The following SGPP2 variants were observed in gnomAD, a reference collection of about 807,000 sequenced individuals.
The protein encoded by SGPP2 is sphingosine 1-phosphate phosphohydrolase 2.
A neutral mutation model predicts 33.9 loss-of-function variants in SGPP2; 30 were observed. That is an observed-to-expected ratio of 0.89 (90% CI 0.66 to 1.20). The LOEUF (loss-of-function observed/expected upper bound fraction) is 1.20. Among genes scored for constraint, SGPP2 ranks in the 50% most tolerant of loss-of-function variants. SGPP2 has a pLI of 0.00. For synonymous variants in SGPP2, 233 were observed against 225.0 expected (o/e 1.04, Z -0.32); for missense variants, 458 against 532.1 (o/e 0.86, Z 1.37).
chr2:222,454,346 T>C (rs960886090), intron 1 of SGPP2, among the ~76,000 whole-genome samples: 1 of 152,200 alleles, frequency 6.6e-6, no homozygotes, highest in Non-Finnish European at 1.5e-5. Flanking sequence ...TGGATTTGAC[T>C]TGGAGAAAAG....
intron 2 of SGPP2, among the ~76,000 whole-genome samples, chr2:222,494,780 A>G (rs913117612): frequency 6.6e-6 from 1 of 152,256 alleles, no homozygotes; most frequent in African/African-American, 2.4e-5. Context: ...AACATTTGCC[A>G]AAGACTGTAC....
At chr2:222,479,260 T>C (rs1697993284) in intron 2 of SGPP2, among the ~76,000 whole-genome samples, 1 of 152,206 alleles carries the variant, frequency 6.6e-6, no homozygotes, top group South Asian at 2.1e-4. Context: ...TTAAAGATGC[T>C]AAAACTGGGG....
rs753641700 is a variant in SGPP2 at position 222,558,396 on chromosome 2, A to T, written c.698A>T (p.Tyr233Phe). 6.2e-7 allele frequency: 1 copy of T among 1,613,908 alleles called. No homozygotes were observed. Among genetic ancestry groups the T allele is most frequent in the South Asian group, 1.1e-5 (1 of 91,056 alleles). Residue 233 changes from tyrosine (Y) to phenylalanine (F), a missense_variant, in exon 5 of 5, where the codon TAC (tyrosine) becomes TTC (phenylalanine). Coordinates refer to ENST00000321276, the MANE Select transcript of SGPP2 (RefSeq NM_152386.4). ...LITALLIVLTYPAWTFIDCLD... is the reference protein window; with the variant it reads ...LITALLIVLTFPAWTFIDCLD... ...ACCGCACTCCTCATCGTCCTCACCTACCCTGCCTGGACCTTCATCGACTGC... is the reference window on the plus strand; with the variant it reads ...ACCGCACTCCTCATCGTCCTCACCTTCCCTGCCTGGACCTTCATCGACTGC...
intron 2 of SGPP2, among the ~76,000 whole-genome samples, chr2:222,480,624 G>A (rs529777181): frequency 1.3e-5 from 2 of 152,144 alleles, no homozygotes; most frequent in Non-Finnish European, 2.9e-5. Context: ...TTCCTGACTC[G>A]TGAAATTGAT....
rs547218179 is a variant in SGPP2, at chr2:222,560,182, C to T, written c.*1284C>T. 6.6e-6 allele frequency: 1 copy of T among 152,336 alleles called. No homozygotes were observed. The highest frequency in any genetic ancestry group is 1.9e-4 in the East Asian group (1 of 5,174). 9.4% of individuals were successfully genotyped at this position (152,336 alleles called of 1,614,324 possible). Reference sequence around the variant, plus strand: ...CTGGCATCTGCCTAGGAAAGTGGATCTGTGAAGAACAGATGAACTCAATCC... The same window carrying T: ...CTGGCATCTGCCTAGGAAAGTGGATTTGTGAAGAACAGATGAACTCAATCC... On this transcript the variant is annotated 3_prime_UTR_variant, in exon 5 of 5. Transcript: ENST00000321276.
chr2:222,476,064 T>G lies in SGPP2; in HGVS notation c.378+1338T>G, dbSNP rs1022283390. Among the ~76,000 whole-genome samples the G allele has an allele frequency of 6.6e-6, 1 of 152,172 alleles. No individual in the cohort carries two copies. The highest frequency in any genetic ancestry group is 1.5e-5 in the Non-Finnish European group (1 of 68,020). On this transcript the variant is annotated intron_variant, in intron 2 of 4. Transcript: ENST00000321276. This position sits in a 1 kb window ranked among gnomAD's most constrained non-coding sequence, Gnocchi z 4.3. ...AACCAACTCTAAGGTCAAAGGTTAT[T>G]TAGCTGGTGGAGGGAACTTCCAGAC...
chr2:222,508,868 C>T (rs1698483959), intron 2 of SGPP2, among the ~76,000 whole-genome samples: 2 of 152,074 alleles, frequency 1.3e-5, no homozygotes, highest in Non-Finnish European at 2.9e-5. Flanking sequence ...TAGCACTGTA[C>T]TAGTTTGAAA....
At chr2:222,521,650 A>T in intron 2 of SGPP2, 117 bp from the exon 3 acceptor site, 1 of 1,063,422 alleles carries the variant, frequency 9.4e-7, no homozygotes, top group South Asian at 1.6e-5. Context: ...GTAGCTGGTC[A>T]GAGAGAAAGG....
At chr2:222,558,070 C>T (rs1689446694) in intron 4 of SGPP2, among the ~76,000 whole-genome samples, 1 of 152,110 alleles carries the variant, frequency 6.6e-6, no homozygotes, top group South Asian at 2.1e-4. Context: ...AATGAGATTA[C>T]AGTTATTCAT....
intron 1 of SGPP2, among the ~76,000 whole-genome samples, chr2:222,463,970 C>CGT (rs34519988): frequency 0.5 from 75,112 of 151,694 alleles, 19,414 homozygotes; most frequent in African/African-American, 0.66. Flanking sequence ...GAATCCTGTA[C>CGT]GTGTGTTGGG....
chr2:222,438,370 C>A (rs2106064002), intron 1 of SGPP2, among the ~76,000 whole-genome samples: 1 of 152,328 alleles, frequency 6.6e-6, no homozygotes, highest in African/African-American at 2.4e-5. Flanking sequence ...AGCATAATGT[C>A]ATCCATGTAA....
At chr2:222,431,151 T>G (rs1045476316) in intron 1 of SGPP2, among the ~76,000 whole-genome samples, 1 of 151,084 alleles carries the variant, frequency 6.6e-6, no homozygotes, top group Non-Finnish European at 1.5e-5. Context: ...GAATTGTGTA[T>G]TATCTTTTCA....
At chr2:222,479,770 T>C (rs1221072468) in intron 2 of SGPP2, among the ~76,000 whole-genome samples, 1 of 152,112 alleles carries the variant, frequency 6.6e-6, no homozygotes, top group Non-Finnish European at 1.5e-5. Context: ...CTTGTGGGAG[T>C]TATTTATATC....
chr2:222,505,065 T>G (rs1449038557), intron 2 of SGPP2, among the ~76,000 whole-genome samples: 1 of 152,188 alleles, frequency 6.6e-6, no homozygotes, highest in Non-Finnish European at 1.5e-5. Flanking sequence ...AGCAAAGAAT[T>G]TATACAAAAG....
chr2:222,473,441 T>C (rs1697879882), intron 1 of SGPP2, among the ~76,000 whole-genome samples: 3 of 152,156 alleles, frequency 2.0e-5, no homozygotes. Flanking sequence ...CTTCCATTTC[T>C]AAAGAAAATT....
intron 4 of SGPP2, among the ~76,000 whole-genome samples, chr2:222,548,026 C>T (rs1689231855): frequency 6.6e-6 from 1 of 152,128 alleles, no homozygotes. Context: ...AGTTATGTGT[C>T]CTACAGGGTT....
intron 2 of SGPP2, among the ~76,000 whole-genome samples, chr2:222,481,069 A>G (rs1698022337): frequency 6.6e-6 from 1 of 152,108 alleles, no homozygotes; most frequent in South Asian, 2.1e-4. Context: ...GTGAGGGGGA[A>G]CAACACACAC....
chr2:222,517,405 A>G (rs1559167300), intron 2 of SGPP2, among the ~76,000 whole-genome samples: 1 of 152,158 alleles, frequency 6.6e-6, no homozygotes. Flanking sequence ...GGACAGTCGG[A>G]GAGGAGATCG....
chr2:222,446,094 G>A (rs1329545499), intron 1 of SGPP2, among the ~76,000 whole-genome samples: 1 of 152,196 alleles, frequency 6.6e-6, no homozygotes. Context: ...TGAATGCTAG[G>A]TGAACACTCT....
Sources: gnomAD v4.1 joint callset for allele counts (sites outside exome capture counted in the v4.1 genomes callset) on GRCh38, gnomAD v4.1.1 for gene constraint, Gnocchi (gnomAD v3.1) non-coding constraint, MANE v1.5 for transcripts, NCBI Gene and HGNC (gene_info 2026-07-23, HGNC 2026-07-21) for gene names.